TUT4: variants seen among roughly 807,000 people sequenced by gnomAD.
TUT4 encodes terminal uridylyltransferase 4.
Under a neutral mutation model 192.2 loss-of-function variants are expected in TUT4, and 36 were observed. That is an observed-to-expected ratio of 0.19 (90% CI 0.14 to 0.25). The LOEUF (loss-of-function observed/expected upper bound fraction) is 0.25, where lower values mean the gene tolerates loss of function less well. TUT4 is among the 10% of genes least tolerant of loss of function. TUT4 has a pLI of 1.00. For synonymous variants in TUT4, 618 were observed against 666.0 expected, an observed-to-expected ratio of 0.93 and a Z score of 1.11; for missense variants, 1,493 against 1,957.2, an observed-to-expected ratio of 0.76 and a Z score of 4.47.
rs370291946 is a variant in TUT4 at position 52,528,490 on chromosome 1, C to CAA, written c.-93-2119_-93-2118dup. On this transcript the variant is annotated intron_variant, in intron 1 of 29. Coordinates refer to ENST00000257177, the MANE Select transcript of TUT4 (RefSeq NM_001009881.3). ...TGGGCAACAGAGTGAGACCCTGTCT[C>CAA]AAAAAAAAAAAAAAAAAGTGATTTT... Among the ~76,000 whole-genome samples, 123 of 90,188 alleles carry CAA rather than the reference C, an allele frequency of 1.4e-3. No homozygotes were observed. The East Asian group carries it at 0.015, about 11-fold the overall frequency. 59.2% of individuals were successfully genotyped at this position (90,188 alleles called of 152,430 possible). A position where few individuals can be genotyped will look rare whatever the true frequency, so the allele number is the denominator to read the frequency against.
chr1:52,513,393 C>CAAAAAAAAAAAAAAAAAAAAAA lies in TUT4; in HGVS notation c.882+2497_882+2498insTTTTTTTTTTTTTTTTTTTTTT, dbSNP rs554170439. On this transcript the variant is annotated intron_variant, in intron 3 of 29. Transcript: ENST00000257177. ...GGGCAACCAGAATGAGACCCTGTCT[C>CAAAAAAAAAAAAAAAAAAAAAA]AAAAAAAAAAAAAAAAAAAAAGTAC... Among the ~76,000 whole-genome samples the CAAAAAAAAAAAAAAAAAAAAAA allele has an allele frequency of 1.9e-4, 8 of 42,098 alleles. 1 individual carries two copies. Among genetic ancestry groups the CAAAAAAAAAAAAAAAAAAAAAA allele is most frequent in the African/African-American group, 1.0e-3 (6 of 5,758 alleles). 27.6% of individuals were successfully genotyped at this position (42,098 alleles called of 152,430 possible). A position where few individuals can be genotyped will look rare whatever the true frequency, so the allele number is the denominator to read the frequency against.
chr1:52,531,390 A>C (rs1396441887), intron 1 of TUT4, among the ~76,000 whole-genome samples: 3 of 152,064 alleles, frequency 2.0e-5, no homozygotes, highest in African/African-American at 7.2e-5. Context: ...GGCTGTAAGA[A>C]GTGATCCTGA....
intron 20 of TUT4, among the ~76,000 whole-genome samples, chr1:52,449,831 A>G (rs943297123): frequency 4.6e-5 from 7 of 152,114 alleles, no homozygotes; most frequent in African/African-American, 1.4e-4. Flanking sequence ...TTCTGTCCCT[A>G]TGAATTTGAC....
chr1:52,499,534 G>A (rs1202427012), intron 4 of TUT4, among the ~76,000 whole-genome samples: 3 of 151,792 alleles, frequency 2.0e-5, no homozygotes, highest in African/African-American at 7.3e-5. Context: ...CCAAGAGTTT[G>A]AGACCAGCCT....
intron 20 of TUT4, among the ~76,000 whole-genome samples, chr1:52,448,946 G>A (rs1328300103): frequency 6.6e-6 from 1 of 152,146 alleles, no homozygotes; most frequent in Non-Finnish European, 1.5e-5. Context: ...GAGTAGGTCT[G>A]TGGGCCTTGT....
chr1:52,425,718 C>T (rs894352694), intron 28 of TUT4, among the ~76,000 whole-genome samples: 1 of 152,076 alleles, frequency 6.6e-6, no homozygotes, highest in Non-Finnish European at 1.5e-5. Flanking sequence ...TATATATATA[C>T]ACAACAATAT....
At chr1:52,536,888 G>A (rs764301483) in intron 1 of TUT4, among the ~76,000 whole-genome samples, 22 of 144,964 alleles carry the variant, frequency 1.5e-4, no homozygotes, top group East Asian at 2.1e-4. Context: ...AAAATAGGCC[G>A]GGCGCGGTGG....
intron 1 of TUT4, among the ~76,000 whole-genome samples, chr1:52,544,137 C>T (rs986866073): frequency 6.6e-6 from 1 of 151,684 alleles, no homozygotes; most frequent in Non-Finnish European, 1.5e-5. Context: ...AATACAAAAA[C>T]TTAGCCGGGT....
chr1:52,475,152 T>C lies in TUT4; in HGVS notation c.2407A>G (p.Ser803Gly). The change falls in exon 13 of 30, where the codon AGC (serine) becomes GGC (glycine). Residue 803 changes from serine to glycine, a missense_variant. By Grantham distance (56) the Ser-to-Gly change is moderately conservative (BLOSUM62 0). Transcript: ENST00000257177. ...TTTGGCTCTATTTCACTGCTTTTGC[T>C]GGTAGAAAGAGATGAAGAGTCCTGT... is the stretch of plus-strand genomic sequence containing the variant. ...HGQDSSSLST[S>G]KSSEIEPKLD... The C allele has an allele frequency of 6.2e-7, 1 of 1,614,202 alleles. No homozygotes were observed. Among genetic ancestry groups the C allele is most frequent in the African/African-American group, 1.3e-5 (1 of 75,052 alleles).
chr1:52,453,654 T>C (rs1660077744), intron 20 of TUT4, among the ~76,000 whole-genome samples: 1 of 152,184 alleles, frequency 6.6e-6, no homozygotes, highest in African/African-American at 2.4e-5. Flanking sequence ...CTTTCCCTTG[T>C]AAAATCAGGA....
chr1:52,541,725 G>A (rs1482211199), intron 1 of TUT4, among the ~76,000 whole-genome samples: 1 of 152,094 alleles, frequency 6.6e-6, no homozygotes, highest in East Asian at 1.9e-4. Flanking sequence ...AAAGAAAAGA[G>A]ATAAATGGGA....
intron 1 of TUT4, among the ~76,000 whole-genome samples, chr1:52,530,359 C>T (rs1216734517): frequency 6.6e-6 from 1 of 151,032 alleles, no homozygotes; most frequent in African/African-American, 2.4e-5. Context: ...TTTAAGGGTA[C>T]ACAGTAGGTG....
intron 4 of TUT4, among the ~76,000 whole-genome samples, chr1:52,505,785 CAT>C (rs1245899617): frequency 6.6e-6 from 1 of 151,994 alleles, no homozygotes; most frequent in Non-Finnish European, 1.5e-5. Flanking sequence ...GAGATAATCA[CAT>C]AGTTTTCTCT....
rs548911172 is a variant in TUT4 at position 52,475,411 on chromosome 1, A to G, written c.2148T>C (p.Asn716=). The change falls in exon 13 of 30, where the codon AAT becomes AAC. Residue 716 remains asparagine (N), a synonymous_variant. Coordinates refer to ENST00000257177, the MANE Select transcript of TUT4 (RefSeq NM_001009881.3). ...TTTTCTTGAAATCCACTGTAGACTT[A>G]TTTCCACCCTTCGTCTGAGGACAGG... is the stretch of plus-strand genomic sequence containing the variant. ...YFACPQTKGG[N]KSTVDFKKRE... The G allele has an allele frequency of 3.7e-6, 6 of 1,613,960 alleles. No homozygotes were observed. The South Asian group carries it at 6.6e-5, about 18-fold the overall frequency.
At chr1:52,456,411 C>CAAAAAA (rs1157223640) in intron 20 of TUT4, among the ~76,000 whole-genome samples, 36 of 11,974 alleles carry the variant, frequency 3.0e-3, no homozygotes, top group East Asian at 9.8e-3. Flanking sequence ...GACTGTGTCT[C>CAAAAAA]AAAAAAAAAA....
intron 24 of TUT4, 59 bp from the exon 25 acceptor site, chr1:52,438,394 G>T: frequency 8.5e-7 from 1 of 1,181,134 alleles, no homozygotes; most frequent in South Asian, 1.4e-5. Flanking sequence ...GAATCCAAAT[G>T]GAAAGAAGAC....
intron 1 of TUT4, among the ~76,000 whole-genome samples, chr1:52,540,107 T>G (rs1436694305): frequency 6.7e-6 from 1 of 150,330 alleles, no homozygotes; most frequent in Non-Finnish European, 1.5e-5. Context: ...TGTTACCAGC[T>G]ACTCGGGAGG....
chr1:52,485,501 A>G (rs1483059535), intron 9 of TUT4, among the ~76,000 whole-genome samples: 1 of 152,200 alleles, frequency 6.6e-6, no homozygotes, highest in Non-Finnish European at 1.5e-5. Context: ...TACAACATCA[A>G]TGGTGAACTT....
rs76482960 is a variant in TUT4, at chr1:52,537,633, C to T, written c.-93-11260G>A. ...TAACACTATAAACTAATTTGACTGG[C>T]TCAGCGCGGTGGCTCATGCCTGTAA... On this transcript the variant is annotated intron_variant, in intron 1 of 29. Coordinates refer to ENST00000257177, the MANE Select transcript of TUT4 (RefSeq NM_001009881.3). Among the ~76,000 whole-genome samples, 801 of 152,350 alleles carry T rather than the reference C, an allele frequency of 5.3e-3. 31 individuals are homozygous for T. In the East Asian group the frequency reaches 0.096, roughly 18 times the overall value.
Sources: gnomAD v4.1 joint callset for allele counts (sites outside exome capture counted in the v4.1 genomes callset) on GRCh38, gnomAD v4.1.1 for gene constraint, MANE v1.5 for transcripts, NCBI Gene and HGNC (gene_info 2026-07-23, HGNC 2026-07-21) for gene names.